SRSF3: variants seen among roughly 807,000 people sequenced by gnomAD.
The protein encoded by SRSF3 is serine and arginine rich splicing factor 3.
For synonymous variants in SRSF3, 87 were observed against 73.6 expected, an observed-to-expected ratio of 1.18 and a Z score of -0.93; for missense variants, 58 against 217.1, an observed-to-expected ratio of 0.27 and a Z score of 4.61.
rs1283588637 is a variant in SRSF3, at chr6:36,601,789, T to C, written c.462T>C (p.Ser154=). ...NHKPSRSFSR[S]RSRSRSNERK ...AGCCGTCCCGATCCTTCTCTAGGTC[T>C]CGTAGGTAAGATCTTTGATAACTTG... The change falls in exon 5 of 6, where the codon TCT becomes TCC. Residue 154 remains serine (S), a synonymous_variant. Coordinates refer to ENST00000373715, the MANE Select transcript of SRSF3 (RefSeq NM_003017.5). 1 of 1,608,588 alleles carries C rather than the reference T, an allele frequency of 6.2e-7. No homozygotes were observed. The highest frequency in any genetic ancestry group is 1.7e-5 in the Admixed American group (1 of 59,948).
intron 1 of SRSF3, 86 bp from the exon 2 acceptor site, chr6:36,596,675 C>A: frequency 8.2e-7 from 1 of 1,218,972 alleles, no homozygotes; most frequent in Non-Finnish European, 1.2e-6. Context: ...CTCTCTTGTC[C>A]TCTCTAATGG....
intron 2 of SRSF3, among the ~76,000 whole-genome samples, chr6:36,598,017 T>C (rs778210511): frequency 2.0e-4 from 31 of 152,108 alleles, no homozygotes; most frequent in Non-Finnish European, 3.7e-4. Context: ...TCTTCTGTGC[T>C]GACTGTTGAG....
In SRSF3 at chr6:36,604,252, A is replaced by G. The variant is rs1471426341; in HGVS notation, c.*2263A>G. On this transcript the variant is annotated 3_prime_UTR_variant, in exon 6 of 6. Transcript: ENST00000373715. ...AGGATCAAGGTGTTCACTAGAAGTC[A>G]CTGTTACTAATACTTGATGACAATG... 1.8e-5 allele frequency: 4 copies of G among 217,068 alleles called. No individual in the cohort carries two copies. The highest frequency in any genetic ancestry group is 1.2e-4 in the Admixed American group (2 of 17,228). The allele number at this position is 217,068 out of a possible 1,614,324, so 13.4% of individuals were successfully genotyped here. A position where few individuals can be genotyped will look rare whatever the true frequency, so the allele number is the denominator to read the frequency against.
At chr6:36,595,491 TC>T (rs1385123264) in intron 1 of SRSF3, among the ~76,000 whole-genome samples, 1 of 152,194 alleles carries the variant, frequency 6.6e-6, no homozygotes, top group African/African-American at 2.4e-5. Context: ...GAGCACTTAC[TC>T]CCAGATTCCC....
chr6:36,594,611 G>C (rs984018070), intron 1 of SRSF3, 130 bp downstream of exon 1: 5 of 152,398 alleles, frequency 3.3e-5, no homozygotes, highest in East Asian at 1.9e-4. Flanking sequence ...AGCACGGGGC[G>C]GTGGCGGGGG....
chr6:36,598,829 T>G lies in SRSF3; in HGVS notation c.207-20T>G. ...TCAGAAAGTCAGGCTGTTTTAAGTT[T>G]AATATCTTTGCCCCCTCAGAACACT... On this transcript the variant is annotated intron_variant, in intron 2 of 5. Coordinates refer to ENST00000373715, the MANE Select transcript of SRSF3 (RefSeq NM_003017.5). 1 of 1,609,538 alleles carries G rather than the reference T, an allele frequency of 6.2e-7. No individual in the cohort carries two copies. The highest frequency in any genetic ancestry group is 2.2e-5 in the East Asian group (1 of 44,856).
rs1778709599 is a variant in SRSF3, at chr6:36,601,136, C to G, written c.342-16C>G. On this transcript the variant is annotated splice_polypyrimidine_tract_variant and intron_variant, in intron 3 of 5. Coordinates refer to ENST00000373715, the MANE Select transcript of SRSF3 (RefSeq NM_003017.5). ...CTAATTGATGATGAGCCTAATTTTC[C>G]TGTTTCTGCTTTTAGATCTCCAAGA... The G allele has an allele frequency of 1.2e-6, 2 of 1,603,052 alleles. No homozygotes were observed. The highest frequency in any genetic ancestry group is 2.7e-5 in the African/African-American group (2 of 73,396).
rs1252149368 is a variant in SRSF3 at position 36,602,659 on chromosome 6, G to GT, written c.*673dup. 13 of 214,684 alleles carry GT rather than the reference G, an allele frequency of 6.1e-5. No homozygotes were observed. Among genetic ancestry groups the GT allele is most frequent in the African/African-American group, 2.7e-4 (12 of 44,330 alleles). The allele number at this position is 214,684 out of a possible 1,614,324, so 13.3% of individuals were successfully genotyped here. A position where few individuals can be genotyped will look rare whatever the true frequency, so the allele number is the denominator to read the frequency against. On this transcript the variant is annotated 3_prime_UTR_variant, in exon 6 of 6. Transcript: ENST00000373715. ...TTGTGATTTCAAAAATGTCCTGCCA[G>GT]TTTAAGGGTACATTGTAGAGCCGAA...
chr6:36,596,714 C>T (rs773597484), intron 1 of SRSF3, 47 bp from the exon 2 acceptor site: 5 of 1,536,916 alleles, frequency 3.3e-6, no homozygotes, highest in Non-Finnish European at 3.6e-6. Flanking sequence ...GTGGTTTTAA[C>T]TGTAGATGTT....
rs1778752463 is a variant in SRSF3 at position 36,603,418 on chromosome 6, CATA to C, written c.*1432_*1434del. ...AAATTTTTGTGCAATTAGATTAAAT[CATA>C]ATGCAACAGTCTTGTGGCTTAGTTT... On this transcript the variant is annotated 3_prime_UTR_variant, in exon 6 of 6. Transcript: ENST00000373715. The C allele has an allele frequency of 4.5e-6, 1 of 223,528 alleles. No homozygotes were observed. Among genetic ancestry groups the C allele is most frequent in the Admixed American group, 5.7e-5 (1 of 17,452 alleles). The allele number at this position is 223,528 out of a possible 1,614,324, so 13.8% of individuals were successfully genotyped here.
rs756561551 is a variant in SRSF3 at position 36,601,132 on chromosome 6, T to C, written c.342-20T>C. On this transcript the variant is annotated intron_variant, in intron 3 of 5. Coordinates refer to ENST00000373715, the MANE Select transcript of SRSF3 (RefSeq NM_003017.5). The stretch of plus-strand genomic sequence containing the variant: ...AATACTAATTGATGATGAGCCTAAT[T>C]TTCCTGTTTCTGCTTTTAGATCTCC... 1 of 1,611,162 alleles carries C rather than the reference T, an allele frequency of 6.2e-7. No individual in the cohort carries two copies. The highest frequency in any genetic ancestry group is 1.1e-5 in the South Asian group (1 of 91,010).
chr6:36,598,228 G>A (rs1778663862), intron 2 of SRSF3, among the ~76,000 whole-genome samples: 1 of 152,170 alleles, frequency 6.6e-6, no homozygotes, highest in African/African-American at 2.4e-5. Flanking sequence ...CACTTAAATT[G>A]CAACTGTTAA....
At chr6:36,597,099 T>A in intron 2 of SRSF3, 131 bp downstream of exon 2, 52 of 204,658 alleles carry the variant, frequency 2.5e-4, no homozygotes, top group East Asian at 3.2e-4. Flanking sequence ...ATTGGGATCT[T>A]TTTTTTTTTT....
chr6:36,601,138 G>A lies in SRSF3; in HGVS notation c.342-14G>A. The A allele has an allele frequency of 1.2e-6, 2 of 1,603,360 alleles. No individual in the cohort carries two copies. The highest frequency in any genetic ancestry group is 1.1e-5 in the South Asian group (1 of 90,896). On this transcript the variant is annotated splice_polypyrimidine_tract_variant and intron_variant, in intron 3 of 5. Transcript: ENST00000373715. ...AATTGATGATGAGCCTAATTTTCCTGTTTCTGCTTTTAGATCTCCAAGAAG... is the reference window on the plus strand; with the variant it reads ...AATTGATGATGAGCCTAATTTTCCTATTTCTGCTTTTAGATCTCCAAGAAG...
At position 36,598,809 on chromosome 6, in the gene SRSF3, AAGTC is replaced by A. The variant is rs774109633; in HGVS notation, c.207-37_207-34del. 13 of 1,603,776 alleles carry A rather than the reference AAGTC, an allele frequency of 8.1e-6. No homozygotes were observed. The East Asian group carries it at 1.6e-4, about 19-fold the overall frequency. On this transcript the variant is annotated intron_variant, in intron 2 of 5. Coordinates refer to ENST00000373715, the MANE Select transcript of SRSF3 (RefSeq NM_003017.5). The stretch of plus-strand genomic sequence containing the variant: ...TTTTGGCTTTAATACGCATGTCAGA[AAGTC>A]AGGCTGTTTTAAGTTTAATATCTTT...
chr6:36,600,042 C>G, intron 3 of SRSF3: 1 of 1,239,248 alleles, frequency 8.1e-7, no homozygotes, highest in South Asian at 1.3e-5. Context: ...GCAGCCACCT[C>G]GACCGCCCAC....
At chr6:36,598,820 TTTTAAG>T (rs1778673457) in intron 2 of SRSF3, 23 bp from the exon 3 acceptor site, 1 of 1,607,316 alleles carries the variant, frequency 6.2e-7, no homozygotes, top group South Asian at 1.1e-5. Context: ...AGTCAGGCTG[TTTTAAG>T]TTTAATATCT....
At chr6:36,601,590 T>C in intron 4 of SRSF3, 118 bp from the exon 5 acceptor site, 1 of 954,070 alleles carries the variant, frequency 1.0e-6, no homozygotes, top group Admixed American at 2.1e-5. Context: ...GTGAGCCTCC[T>C]GCCTCTGCCT....
intron 2 of SRSF3, among the ~76,000 whole-genome samples, chr6:36,597,618 C>T (rs1336529853): frequency 1.3e-5 from 2 of 151,984 alleles, no homozygotes. Flanking sequence ...CCCCCCTTTC[C>T]TCATATTTGG....
Sources: gnomAD v4.1 joint callset for allele counts (sites outside exome capture counted in the v4.1 genomes callset) on GRCh38, gnomAD v4.1.1 for gene constraint, MANE v1.5 for transcripts, NCBI Gene and HGNC (gene_info 2026-07-23, HGNC 2026-07-21) for gene names.